Variants in COL6A3 observed in about 807,000 individuals in gnomAD.
COL6A3 encodes the protein collagen type VI alpha 3 chain.
A neutral mutation model predicts 274.1 loss-of-function variants in COL6A3; 137 were observed. The observed-to-expected ratio is 0.50, with a 90% CI of 0.44 to 0.58. The LOEUF (loss-of-function observed/expected upper bound fraction) is 0.58. COL6A3 is among the 20% of genes least tolerant of loss of function. The pLI is 0.00. For missense variants in COL6A3, 3,950 were observed against 4,124.9 expected (o/e 0.96, Z 1.16); for synonymous variants, 1,650 against 1,650.6 (o/e 1.00, Z 0.01).
chr2:237,408,326 C>T (rs2078770972), intron 1 of COL6A3, among the ~76,000 whole-genome samples: 1 of 152,222 alleles, frequency 6.6e-6, no homozygotes, highest in African/African-American at 2.4e-5. Flanking sequence ...GTTGCTCGAA[C>T]AGGCCATAGT....
intron 22 of COL6A3, 90 bp from the exon 23 acceptor site, chr2:237,357,481 G>A (rs2077343610): frequency 1.6e-6 from 2 of 1,229,772 alleles, no homozygotes; most frequent in Admixed American, 1.7e-5. Context: ...AGGGAAAGGG[G>A]TCGATTCACA....
intron 21 of COL6A3, 73 bp downstream of exon 21, chr2:237,358,448 C>T: frequency 2.5e-6 from 3 of 1,208,370 alleles, no homozygotes. Context: ...TAGAATTCTT[C>T]CTTTCATCCC....
chr2:237,405,545 C>A (rs1410605964), intron 1 of COL6A3, among the ~76,000 whole-genome samples: 1 of 152,066 alleles, frequency 6.6e-6, no homozygotes, highest in Non-Finnish European at 1.5e-5. Flanking sequence ...GGTAACGTTT[C>A]CTGGGCTTCT....
Position 237,380,671 on chromosome 2 carries a change from G to A in COL6A3, c.1897+244C>T, listed in dbSNP as rs2077978464. 2.6e-5 allele frequency among the ~76,000 whole-genome samples: 4 copies of A among 152,188 alleles called. No homozygotes were observed. In the South Asian group the frequency reaches 8.3e-4, roughly 32 times the overall value. ...TCGGCCAGAAGCTTCAAAGACAGGT[G>A]GTGGCCCATGGTCCTGTGGTTTAAA... On this transcript the variant is annotated intron_variant, in intron 5 of 43. Transcript: ENST00000295550.
chr2:237,396,657 T>A, intron 2 of COL6A3, 70 bp downstream of exon 2: 1 of 1,465,990 alleles, frequency 6.8e-7, no homozygotes, highest in Non-Finnish European at 9.6e-7. Context: ...TGTCAGTGCC[T>A]GATGTCTAAG....
rs1230310524 is a variant in COL6A3 at position 237,374,464 on chromosome 2, G to T, written c.3627C>A (p.Thr1209=). 2.5e-6 allele frequency: 4 copies of T among 1,613,858 alleles called. No homozygotes were observed. In the African/African-American group the frequency reaches 5.3e-5, roughly 22 times the overall value. ...GCTGCAGCCTGCTCAGCTCCTCGCG[G>T]GTGAGCTGGGTCACCCTCTCAGAGA... ...QVISERVTQL[T]REELSRLQPV... is the part of the protein sequence containing the mutation. The change falls in exon 8 of 44, where the codon ACC becomes ACA. Residue 1209 remains threonine (T), a synonymous_variant. Coordinates refer to ENST00000295550, the MANE Select transcript of COL6A3 (RefSeq NM_004369.4). This position sits in a 1 kb window ranked among gnomAD's most constrained non-coding sequence, Gnocchi z 4.8.
At chr2:237,366,175 C>T (rs2077547282) in intron 11 of COL6A3, 140 bp from the exon 12 acceptor site, 2 of 741,796 alleles carry the variant, frequency 2.7e-6, no homozygotes, top group South Asian at 3.2e-5. Flanking sequence ...TGTGTGTGAG[C>T]TTTGAGAAGC....
At chr2:237,378,603 G>A (rs2077912651) in intron 6 of COL6A3, 33 bp downstream of exon 6, 1 of 1,612,018 alleles carries the variant, frequency 6.2e-7, no homozygotes, top group African/African-American at 1.3e-5. Context: ...TCTGAGGAAG[G>A]AGAGGGAGTT....
chr2:237,369,707 C>T (rs932859521), intron 9 of COL6A3, among the ~76,000 whole-genome samples: 1 of 152,252 alleles, frequency 6.6e-6, no homozygotes, highest in African/African-American at 2.4e-5. Context: ...ACGTATAACA[C>T]AGTGCCATAT....
At chr2:237,355,798 C>T (rs541658383) in intron 23 of COL6A3, 24 of 152,336 alleles carry the variant, frequency 1.6e-4, no homozygotes, top group African/African-American at 4.6e-4. Context: ...CCTGCTTCAG[C>T]GGAAGATCTT....
rs1251372419 is a variant in COL6A3, at chr2:237,364,410, C to T, written c.5857G>A (p.Asp1953Asn). ...DSVKVVIHFT[D>N]GADGDLADLH... ...TCAGCCAGATCTCCGTCTGCTCCAT[C>T]AGTAAAATGAATGACCACCTGCAGA... is the stretch of plus-strand genomic sequence containing the variant. Residue 1953 changes from aspartate to asparagine, a missense_variant, in exon 13 of 44, where the codon GAT (aspartate) becomes AAT (asparagine). Asp to Asn is a conservative substitution (Grantham distance 23). Coordinates refer to ENST00000295550, the MANE Select transcript of COL6A3 (RefSeq NM_004369.4). The surrounding 1 kb of genome is among the most constrained non-coding windows in gnomAD (Gnocchi z 4.6). The T allele has an allele frequency of 4.3e-6, 7 of 1,613,946 alleles. No individual in the cohort carries two copies. Among genetic ancestry groups the T allele is most frequent in the Non-Finnish European group, 5.9e-6 (7 of 1,179,890 alleles).
At chr2:237,410,256 T>C (rs1432032327) in intron 1 of COL6A3, among the ~76,000 whole-genome samples, 1 of 151,510 alleles carries the variant, frequency 6.6e-6, no homozygotes, top group Non-Finnish European at 1.5e-5. Flanking sequence ...AACTGCCTTT[T>C]CAAAAACAGA....
At chr2:237,392,946 G>A (rs1003613457) in intron 3 of COL6A3, among the ~76,000 whole-genome samples, 6 of 152,114 alleles carry the variant, frequency 3.9e-5, no homozygotes, top group Non-Finnish European at 8.8e-5. Context: ...CTACACACCA[G>A]CAGCGTCTCC....
At chr2:237,383,081 G>A (rs1390789359) in intron 4 of COL6A3, among the ~76,000 whole-genome samples, 1 of 152,218 alleles carries the variant, frequency 6.6e-6, no homozygotes, top group Non-Finnish European at 1.5e-5. Context: ...TTACAAGGGT[G>A]AGCCACCACA....
In COL6A3 at chr2:237,340,502, T is replaced by C. The variant is rs35848091; in HGVS notation, c.8414A>G (p.Asn2805Ser). 43 of 1,614,094 alleles carry C rather than the reference T, an allele frequency of 2.7e-5. No individual in the cohort carries two copies. In the East Asian group the frequency reaches 9.6e-4, roughly 36 times the overall value. ...CCCGAAGCGCATCAAAGGCTCCTCG[T>C]TGAGCTCGGTGGACTTGTCCACTAA... ...FKLVDKSTEL[N>S]EEPLMRFGRL... The change falls in exon 38 of 44, where the codon AAC (asparagine) becomes AGC (serine). Residue 2805 changes from asparagine to serine, a missense_variant. Coordinates refer to ENST00000295550, the MANE Select transcript of COL6A3 (RefSeq NM_004369.4).
Position 237,363,238 on chromosome 2 carries a change from AT to A in COL6A3, c.6063+14del. ...TCTACACTGGTCTGTGTATAAAGAC[AT>A]AAAAAAAACTCACAAGCTGCTCCGC... On this transcript the variant is annotated intron_variant, in intron 14 of 43. Coordinates refer to ENST00000295550, the MANE Select transcript of COL6A3 (RefSeq NM_004369.4). 2.5e-6 allele frequency: 4 copies of A among 1,580,580 alleles called. No homozygotes were observed. The highest frequency in any genetic ancestry group is 3.5e-6 in the Non-Finnish European group (4 of 1,153,676).
Position 237,365,823 on chromosome 2 carries a change from C to T in COL6A3, c.5713G>A (p.Glu1905Lys), listed in dbSNP as rs746388527. The change falls in exon 12 of 44, where the codon GAG becomes AAG. Residue 1905 changes from glutamate (E) to lysine (K), a missense_variant. This residue lies in a region of COL6A3 where 632 missense variants were observed against 623.4 expected (regional missense o/e 1.01). Coordinates refer to ENST00000295550, the MANE Select transcript of COL6A3 (RefSeq NM_004369.4). ...TTCTCGAGCATCTCTGGCTGGTACT[C>T]GTCAAAGTCAAAGGCCTCCACCGGG... ...SGPVEAFDFD[E>K]YQPEMLEKFR... 3.7e-6 allele frequency: 6 copies of T among 1,614,056 alleles called. No individual in the cohort carries two copies. The highest frequency in any genetic ancestry group is 2.2e-5 in the East Asian group (1 of 44,886).
rs1411973401 is a variant in COL6A3, at chr2:237,359,780, G to A, written c.6282+308C>T. On this transcript the variant is annotated intron_variant, in intron 17 of 43. Coordinates refer to ENST00000295550, the MANE Select transcript of COL6A3 (RefSeq NM_004369.4). Reference sequence around the variant, plus strand: ...CACTCCCTTCCCTGACTGCTCCCACGGTCCAGGGCCGGGGCCGTGGGCACC... The same window carrying A: ...CACTCCCTTCCCTGACTGCTCCCACAGTCCAGGGCCGGGGCCGTGGGCACC... 5.3e-5 allele frequency among the ~76,000 whole-genome samples: 8 copies of A among 152,294 alleles called. No individual in the cohort carries two copies. The South Asian group carries it at 8.3e-4, about 16-fold the overall frequency.
At chr2:237,365,111 T>C (rs930963905) in intron 12 of COL6A3, among the ~76,000 whole-genome samples, 1 of 147,834 alleles carries the variant, frequency 6.8e-6, no homozygotes, top group African/African-American at 2.5e-5. Context: ...GATGTCCTTT[T>C]AGAAGAGGAG....
Sources: gnomAD v4.1 joint callset for allele counts (sites outside exome capture counted in the v4.1 genomes callset) on GRCh38, gnomAD v4.1.1 for gene constraint, gnomAD v4.1.1 regional missense constraint, Gnocchi (gnomAD v3.1) non-coding constraint, MANE v1.5 for transcripts, NCBI Gene and HGNC (gene_info 2026-07-23, HGNC 2026-07-21) for gene names.